DLG5: variants seen among roughly 807,000 people sequenced by gnomAD.
The protein encoded by DLG5 is disks large homolog 5.
A neutral mutation model predicts 189.8 loss-of-function variants in DLG5; 48 were observed. The observed-to-expected ratio is 0.25, with a 90% CI of 0.20 to 0.32. DLG5 has a LOEUF of 0.32. Among genes scored for constraint, DLG5 ranks in the 10% least tolerant of loss-of-function variants. DLG5 has a pLI of 1.00. For synonymous variants in DLG5, 1,016 were observed against 1,054.1 expected (o/e 0.96, Z 0.70); for missense variants, 2,160 against 2,544.7 (o/e 0.85, Z 3.25).
intron 1 of DLG5, among the ~76,000 whole-genome samples, chr10:77,890,768 C>T (rs542022960): frequency 6.6e-6 from 1 of 152,178 alleles, no homozygotes; most frequent in African/African-American, 2.4e-5. Context: ...GGAATATCAG[C>T]GAGTGCCACC....
chr10:77,924,970 C>T (rs1846643572), intron 1 of DLG5, among the ~76,000 whole-genome samples: 1 of 152,168 alleles, frequency 6.6e-6, no homozygotes, highest in Non-Finnish European at 1.5e-5. Context: ...AAATGGGTCC[C>T]ATCAGCCTTT....
intron 24 of DLG5, among the ~76,000 whole-genome samples, chr10:77,808,166 C>T (rs1275940357): frequency 6.6e-6 from 1 of 152,244 alleles, no homozygotes; most frequent in Non-Finnish European, 1.5e-5. Flanking sequence ...CAAGTGGCTG[C>T]CCTGCCCTTG....
At chr10:77,910,668 CA>C (rs1413833186) in intron 1 of DLG5, among the ~76,000 whole-genome samples, 1 of 152,162 alleles carries the variant, frequency 6.6e-6, no homozygotes, top group Non-Finnish European at 1.5e-5. Flanking sequence ...ATTCAACAAT[CA>C]TAGGCTCCTT....
chr10:77,828,430 T>C (rs1842743624), intron 13 of DLG5, among the ~76,000 whole-genome samples: 1 of 134,010 alleles, frequency 7.5e-6, no homozygotes, highest in Non-Finnish European at 1.5e-5. Flanking sequence ...GAGGTTGCAG[T>C]GAGCCGGGAT....
At chr10:77,933,367 A>G in the DLG5 span, among the ~76,000 whole-genome samples, 1,561 of 149,774 alleles carry the variant, frequency 0.01, 15 homozygotes, top group Non-Finnish European at 0.016. Context: ...GCTCACTGCA[A>G]CCTCCGCCTC....
At chr10:77,813,341 G>A (rs547947727) in intron 20 of DLG5, among the ~76,000 whole-genome samples, 21 of 151,970 alleles carry the variant, frequency 1.4e-4, no homozygotes, top group Middle Eastern at 3.4e-3. Context: ...ACCCCACCCC[G>A]GCCACCTGGA....
At chr10:77,809,408 C>T in intron 24 of DLG5, 139 bp downstream of exon 24, 1 of 966,412 alleles carries the variant, frequency 1.0e-6, no homozygotes, top group Non-Finnish European at 1.5e-6. Context: ...TCTGCCTCAA[C>T]AACAACAACA....
rs147443914 is a variant in DLG5 at position 77,916,734 on chromosome 10, A to G, written c.304+9483T>C. Among the ~76,000 whole-genome samples the G allele has an allele frequency of 1.1e-4, 17 of 152,124 alleles. 1 individual carries two copies. The East Asian group carries it at 3.1e-3, about 28-fold the overall frequency. On this transcript the variant is annotated intron_variant, in intron 1 of 31. Coordinates refer to ENST00000372391, the MANE Select transcript of DLG5 (RefSeq NM_004747.4). ...TCAAAAAATTGAACACAGAATTACC[A>G]TATGACCCAGCAAGTTCACTTCTGG... is the stretch of plus-strand genomic sequence containing the variant.
At chr10:77,890,147 T>C (rs1348605084) in intron 1 of DLG5, among the ~76,000 whole-genome samples, 1 of 152,162 alleles carries the variant, frequency 6.6e-6, no homozygotes, top group African/African-American at 2.4e-5. Flanking sequence ...TAGAGGCAGA[T>C]TGGGGCCAAA....
chr10:77,910,327 C>G (rs1441320801), intron 1 of DLG5, among the ~76,000 whole-genome samples: 1 of 152,232 alleles, frequency 6.6e-6, no homozygotes, highest in Non-Finnish European at 1.5e-5. Flanking sequence ...GGCTACCAAA[C>G]TCTACTGGCC....
rs1846155769 is a variant in DLG5 at position 77,909,503 on chromosome 10, T to C, written c.304+16714A>G. Among the ~76,000 whole-genome samples the C allele has an allele frequency of 2.7e-5, 4 of 148,884 alleles. No individual in the cohort carries two copies. The South Asian group carries it at 8.5e-4, about 32-fold the overall frequency. ...CATGTACCCCAGAACTTAAAGGTAT[T>C]AAAAAAAAAATGAGGGTGGCTGAGG... On this transcript the variant is annotated intron_variant, in intron 1 of 31. Transcript: ENST00000372391.
chr10:77,811,862 G>C (rs1339938159), intron 22 of DLG5, 62 bp downstream of exon 22: 1 of 1,524,296 alleles, frequency 6.6e-7, no homozygotes, highest in Non-Finnish European at 8.8e-7. Context: ...AAAATGAGCA[G>C]AGTGCTGCTG....
chr10:77,935,860 G>A, the DLG5 span, among the ~76,000 whole-genome samples: 21 of 152,160 alleles, frequency 1.4e-4, no homozygotes, highest in Admixed American at 9.8e-4. Context: ...GAAATTGCAC[G>A]TGGCCCAACA....
At chr10:77,831,244 A>C (rs767391908) in intron 9 of DLG5, among the ~76,000 whole-genome samples, 14 of 152,082 alleles carry the variant, frequency 9.2e-5, no homozygotes, top group Non-Finnish European at 1.9e-4. Flanking sequence ...GTCTCTACTA[A>C]AAATACAAAA....
chr10:77,884,924 G>A (rs1046043935), intron 1 of DLG5, among the ~76,000 whole-genome samples: 1 of 152,176 alleles, frequency 6.6e-6, no homozygotes, highest in Admixed American at 6.5e-5. Context: ...TGAAACTGCT[G>A]GGACTCTTTC....
chr10:77,870,822 G>C (rs552511726), intron 1 of DLG5, among the ~76,000 whole-genome samples: 4 of 152,164 alleles, frequency 2.6e-5, no homozygotes, highest in Non-Finnish European at 5.9e-5. Context: ...ATGCACTGTA[G>C]GTGGGAGGCC....
chr10:77,833,892 G>C (rs1842994823), intron 9 of DLG5, 22 bp downstream of exon 9: 1 of 1,603,780 alleles, frequency 6.2e-7, no homozygotes, highest in Non-Finnish European at 8.5e-7. Context: ...GCCCACTCCA[G>C]CGGGTGCCCA....
At position 77,791,394 on chromosome 10, in the gene DLG5, T is replaced by C. The variant is rs984293423; in HGVS notation, c.*1046A>G. 2 of 151,330 alleles carry C rather than the reference T, an allele frequency of 1.3e-5. No individual in the cohort carries two copies. The highest frequency in any genetic ancestry group is 4.9e-5 in the African/African-American group (2 of 41,042). The allele number at this position is 151,330 out of a possible 1,614,324, so 9.4% of individuals were successfully genotyped here. On this transcript the variant is annotated 3_prime_UTR_variant, in exon 32 of 32. Coordinates refer to ENST00000372391, the MANE Select transcript of DLG5 (RefSeq NM_004747.4). ...AGACACCCACACTGAGTAGGGTGCATGCCGTGAGTGCTGTAATCAAGATTA... is the reference window on the plus strand; with the variant it reads ...AGACACCCACACTGAGTAGGGTGCACGCCGTGAGTGCTGTAATCAAGATTA...
chr10:77,918,909 G>A (rs189716938), intron 1 of DLG5, among the ~76,000 whole-genome samples: 2 of 152,094 alleles, frequency 1.3e-5, no homozygotes, highest in Admixed American at 6.5e-5. Flanking sequence ...TTGGAATGAG[G>A]TGGGACAAAA....
Sources: gnomAD v4.1 joint callset for allele counts (sites outside exome capture counted in the v4.1 genomes callset) on GRCh38, gnomAD v4.1.1 for gene constraint, MANE v1.5 for transcripts, NCBI Gene and HGNC (gene_info 2026-07-23, HGNC 2026-07-21) for gene names.